LMF1: variants seen among roughly 807,000 people sequenced by gnomAD.
LMF1 encodes the protein transmembrane protein 112.
LMF1 carries 68 observed loss-of-function variants against 60.6 expected under a neutral mutation model. That is an observed-to-expected ratio of 1.12 (90% CI 0.92 to 1.37). The LOEUF is 1.37. Among genes scored for constraint, LMF1 ranks in the 40% most tolerant of loss-of-function variants. The pLI, the probability that LMF1 is intolerant of heterozygous loss-of-function variation, is 0.00. For missense variants in LMF1, 948 were observed against 767.2 expected (o/e 1.24, Z -2.78); for synonymous variants, 418 against 324.7 (o/e 1.29, Z -3.09).
chr16:925,946 CTG>C (rs1341438128), intron 3 of LMF1, among the ~76,000 whole-genome samples: 3 of 151,984 alleles, frequency 2.0e-5, no homozygotes, highest in Non-Finnish European at 4.4e-5. Flanking sequence ...GCATATGTGT[CTG>C]TGTGTGCACG....
intron 1 of LMF1, 98 bp downstream of exon 1, chr16:970,690 G>A (rs936333534): frequency 2.0e-5 from 23 of 1,162,750 alleles, no homozygotes; most frequent in Non-Finnish European, 2.7e-5. Context: ...TGGGGGCGCC[G>A]CGGCCGCGAG....
At chr16:910,847 A>C in intron 4 of LMF1, 84 bp downstream of exon 4, 3 of 1,562,310 alleles carry the variant, frequency 1.9e-6, no homozygotes, top group Non-Finnish European at 2.6e-6. Context: ...GGAGGAAGGA[A>C]ACAGCCTCAC....
chr16:920,167 C>T (rs992575576), intron 3 of LMF1, among the ~76,000 whole-genome samples: 4 of 151,576 alleles, frequency 2.6e-5, no homozygotes, highest in African/African-American at 9.7e-5. Flanking sequence ...GGCCCTAGTC[C>T]GTCGTCCCCC....
chr16:943,468 G>A (rs2382943), intron 2 of LMF1, among the ~76,000 whole-genome samples: 71,615 of 151,034 alleles, frequency 0.47, 18,557 homozygotes, highest in African/African-American at 0.69. Flanking sequence ...GTTCATGCCT[G>A]TAATCCCAGC....
intron 9 of LMF1, 70 bp downstream of exon 9, chr16:869,813 C>T: frequency 1.3e-6 from 2 of 1,495,562 alleles, no homozygotes; most frequent in Non-Finnish European, 1.8e-6. Flanking sequence ...GTTCTAGAAA[C>T]CTGCCATCTA....
At chr16:907,823 G>T (rs2071008358) in intron 4 of LMF1, among the ~76,000 whole-genome samples, 1 of 152,188 alleles carries the variant, frequency 6.6e-6, no homozygotes, top group Admixed American at 6.5e-5. Context: ...CAACACAGGA[G>T]TCTATCAAGT....
intron 5 of LMF1, 111 bp downstream of exon 5, chr16:892,896 A>T (rs2070531708): frequency 1.3e-6 from 1 of 792,276 alleles, no homozygotes; most frequent in Admixed American, 2.7e-5. Flanking sequence ...AATGGGGGTG[A>T]CCCTGTGATG....
upstream of LMF1, among the ~76,000 whole-genome samples, chr16:973,248 G>A (rs1037119759): frequency 2.6e-5 from 4 of 152,180 alleles, no homozygotes; most frequent in Non-Finnish European, 5.9e-5. Context: ...GGGAGACTGT[G>A]ACAGGAGAAT....
chr16:933,979 T>C, intron 3 of LMF1: 43 of 1,451,858 alleles, frequency 3.0e-5, no homozygotes, highest in Non-Finnish European at 3.7e-5. Flanking sequence ...AGGGAAGCGG[T>C]GGTAATCACA....
intron 8 of LMF1, 103 bp from the exon 9 acceptor site, chr16:870,169 G>A (rs2069740552): frequency 7.5e-7 from 1 of 1,332,832 alleles, no homozygotes; most frequent in Non-Finnish European, 1.0e-6. Context: ...CTGGCCCAGG[G>A]GGAGGGCTAC....
At chr16:918,836 A>AACCCGACTCTCACGCGGGGCCGGCG (rs1567237661) in intron 3 of LMF1, among the ~76,000 whole-genome samples, 45,441 of 135,592 alleles carry the variant, frequency 0.34, 8,988 homozygotes, top group African/African-American at 0.57. Context: ...CGGGGCCGGC[A>AACCCGACTCTCACGCGGGGCCGGCG]TCCCGGGGCG....
chr16:918,233 AG>A (rs2071333565), intron 3 of LMF1, among the ~76,000 whole-genome samples: 1 of 152,174 alleles, frequency 6.6e-6, no homozygotes, highest in Non-Finnish European at 1.5e-5. Context: ...GCCGAGAAAC[AG>A]GAAGTGGCCT....
At chr16:968,153 G>A (rs2151494457) in intron 1 of LMF1, among the ~76,000 whole-genome samples, 1 of 152,366 alleles carries the variant, frequency 6.6e-6, no homozygotes, top group South Asian at 2.1e-4. Flanking sequence ...GCCCGCGGTG[G>A]GAAGGAGCCA....
At position 970,922 on chromosome 16, in the gene LMF1, G is replaced by C. The variant is rs375907650; in HGVS notation, c.59C>G (p.Thr20Ser). The change falls in exon 1 of 11, where the codon ACT becomes AGT. Residue 20 changes from threonine (T) to serine (S), a missense_variant. Coordinates refer to ENST00000262301, the MANE Select transcript of LMF1 (RefSeq NM_022773.4). ...APAESLRRRK[T>S]GYSDPEPESP... is the part of the protein sequence containing the mutation. ...CTCAGGCTCCGGATCCGAGTACCCA[G>C]TCTTCCGCCTCCTCAGCGACTCCGC... 6.4e-7 allele frequency: 1 copy of C among 1,572,960 alleles called. No homozygotes were observed. The highest frequency in any genetic ancestry group is 8.6e-7 in the Non-Finnish European group (1 of 1,157,808).
intron 1 of LMF1, among the ~76,000 whole-genome samples, chr16:978,823 C>G (rs529438530): frequency 6.6e-6 from 1 of 152,160 alleles, no homozygotes; most frequent in Admixed American, 6.5e-5. Context: ...TCAGAGGTGG[C>G]TCTGATGGCT....
chr16:945,419 G>A (rs2072213736), intron 2 of LMF1, among the ~76,000 whole-genome samples: 1 of 151,752 alleles, frequency 6.6e-6, no homozygotes, highest in Non-Finnish European at 1.5e-5. Context: ...CCAGCTATTT[G>A]GGAAGCTGAG....
intron 10 of LMF1, chr16:855,690 C>T (rs1225724457): frequency 4.4e-6 from 2 of 455,762 alleles, no homozygotes; most frequent in Non-Finnish European, 8.8e-6. Context: ...GCCCCAGCTG[C>T]CCGGTGGGTG....
Position 889,618 on chromosome 16 carries a change from C to G in LMF1, c.729+3389G>C, listed in dbSNP as rs556305948. ...CAACTTTCCAAGAAAGGGGCACCCC[C>G]CTCTGACTCCTTATCTGACCAGCAA... On this transcript the variant is annotated intron_variant, in intron 5 of 10. Coordinates refer to ENST00000262301, the MANE Select transcript of LMF1 (RefSeq NM_022773.4). 1.9e-4 allele frequency among the ~76,000 whole-genome samples: 29 copies of G among 152,296 alleles called. No homozygotes were observed. The South Asian group carries it at 5.8e-3, about 31-fold the overall frequency.
At chr16:952,859 C>T (rs71380219) in intron 2 of LMF1, among the ~76,000 whole-genome samples, 4,904 of 125,456 alleles carry the variant, frequency 0.039, 18 homozygotes, top group East Asian at 0.12. Flanking sequence ...AGACACCCAC[C>T]CCAAACCAGC....
Sources: allele counts gnomAD v4.1 joint callset (sites outside exome capture counted in the v4.1 genomes callset), GRCh38; gene constraint gnomAD v4.1.1; transcripts MANE v1.5; gene names NCBI Gene and HGNC (gene_info 2026-07-23, HGNC 2026-07-21).